The following CADPS2 variants were observed in gnomAD, a reference collection of about 807,000 sequenced individuals.
CADPS2 encodes calcium-dependent secretion activator 2.
A neutral mutation model predicts 172.5 loss-of-function variants in CADPS2; 93 were observed. That is an observed-to-expected ratio of 0.54 (90% CI 0.46 to 0.64). The LOEUF is 0.64. Among genes scored for constraint, CADPS2 ranks in the 30% least tolerant of loss-of-function variants. CADPS2 has a pLI of 0.00. For missense variants in CADPS2, 1,420 were observed against 1,565.9 expected, an observed-to-expected ratio of 0.91 and a Z score of 1.57; for synonymous variants, 546 against 555.2, an observed-to-expected ratio of 0.98 and a Z score of 0.23.
At chr7:122,600,194 C>G (rs1389406504) in intron 6 of CADPS2, among the ~76,000 whole-genome samples, 1 of 152,190 alleles carries the variant, frequency 6.6e-6, no homozygotes, top group East Asian at 1.9e-4. Context: ...ACAACACATG[C>G]AGTAGCTAAG....
At chr7:122,360,743 TA>T in intron 27 of CADPS2, 44 bp downstream of exon 27, 1 of 1,514,476 alleles carries the variant, frequency 6.6e-7, no homozygotes, top group African/African-American at 1.4e-5. Context: ...AATTTTTTTT[TA>T]AAGAATTCCA....
chr7:122,645,441 A>T (rs1213788026), intron 3 of CADPS2, among the ~76,000 whole-genome samples: 13 of 99,452 alleles, frequency 1.3e-4, no homozygotes, highest in South Asian at 2.7e-4. Context: ...ATATGTATAT[A>T]TACACACACA....
chr7:122,481,454 G>T (rs1232494436), intron 11 of CADPS2, among the ~76,000 whole-genome samples: 1 of 152,102 alleles, frequency 6.6e-6, no homozygotes, highest in Non-Finnish European at 1.5e-5. Context: ...AGAAACAGAT[G>T]ATAGGGCTGG....
intron 1 of CADPS2, among the ~76,000 whole-genome samples, chr7:122,865,206 T>C (rs1261334520): frequency 6.6e-6 from 1 of 152,186 alleles, no homozygotes; most frequent in Non-Finnish European, 1.5e-5. Flanking sequence ...CTAGCAACAC[T>C]TTGCCTTCCA....
At position 122,723,614 on chromosome 7, in the gene CADPS2, G is replaced by A. The variant is rs371869301; in HGVS notation, c.453+13341C>T. Among the ~76,000 whole-genome samples the A allele has an allele frequency of 5.3e-5, 8 of 152,332 alleles. No homozygotes were observed. In the East Asian group the frequency reaches 7.7e-4, roughly 15 times the overall value. On this transcript the variant is annotated intron_variant, in intron 2 of 29. Coordinates refer to ENST00000449022, the MANE Select transcript of CADPS2 (RefSeq NM_017954.11). ...ACTAGTTCAACCATTGTGGAAGACAGTGTGGCGATTCCTCAAGGATCTAGA... is the reference window on the plus strand; with the variant it reads ...ACTAGTTCAACCATTGTGGAAGACAATGTGGCGATTCCTCAAGGATCTAGA...
At chr7:122,735,652 T>G (rs2092099750) in intron 2 of CADPS2, among the ~76,000 whole-genome samples, 1 of 152,170 alleles carries the variant, frequency 6.6e-6, no homozygotes, top group Non-Finnish European at 1.5e-5. Flanking sequence ...CTCATCCCCC[T>G]GCTGATCCAA....
At chr7:122,844,649 T>C (rs1811474573) in intron 1 of CADPS2, among the ~76,000 whole-genome samples, 2 of 152,200 alleles carry the variant, frequency 1.3e-5, no homozygotes, top group Admixed American at 1.3e-4. Context: ...AATACATCTA[T>C]AGTAATGTAT....
At chr7:122,415,915 C>T in intron 18 of CADPS2, 146 bp downstream of exon 18, 2 of 471,158 alleles carry the variant, frequency 4.2e-6, no homozygotes, top group Middle Eastern at 3.2e-4. Flanking sequence ...TACAGTGATG[C>T]AGTGAAACAC....
rs73719707 is a variant in CADPS2, at chr7:122,586,204, T to G, written c.1224-4914A>C. 7.7e-3 allele frequency among the ~76,000 whole-genome samples: 1,171 copies of G among 152,010 alleles called. 16 individuals carry two copies. The highest frequency in any genetic ancestry group is 0.027 in the African/African-American group (1,132 of 41,516). ...ATTCATTTAAAAAAATGGAGTACCTTTTATGTGGAGATGACATTCTAGTGT... is the reference window on the plus strand; with the variant it reads ...ATTCATTTAAAAAAATGGAGTACCTGTTATGTGGAGATGACATTCTAGTGT... On this transcript the variant is annotated intron_variant, in intron 6 of 29. Transcript: ENST00000449022.
chr7:122,383,522 A>G (rs1381801920), intron 24 of CADPS2, among the ~76,000 whole-genome samples: 3 of 151,576 alleles, frequency 2.0e-5, no homozygotes, highest in African/African-American at 7.3e-5. Context: ...GCTTTGTTAG[A>G]TTTCAATTCA....
In CADPS2 at chr7:122,450,906, A is replaced by C. The variant is rs545769216; in HGVS notation, c.2288+468T>G. On this transcript the variant is annotated intron_variant, in intron 15 of 29. Transcript: ENST00000449022. ...GTGTTCTCAGAGAATGTAAGTAAAAAGATAACTAATGACTTTAAAGCCATG... is the reference window on the plus strand; with the variant it reads ...GTGTTCTCAGAGAATGTAAGTAAAACGATAACTAATGACTTTAAAGCCATG... Among the ~76,000 whole-genome samples, 4 of 152,260 alleles carry C rather than the reference A, an allele frequency of 2.6e-5. No homozygotes were observed. In the East Asian group the frequency reaches 7.7e-4, roughly 29 times the overall value.
At chr7:122,661,137 T>G (rs1487434663) in intron 3 of CADPS2, among the ~76,000 whole-genome samples, 1 of 152,150 alleles carries the variant, frequency 6.6e-6, no homozygotes, top group African/African-American at 2.4e-5. Context: ...AGGAGTCAAT[T>G]CTACAATAAA....
chr7:122,332,534 T>C (rs1389670986), intron 28 of CADPS2, among the ~76,000 whole-genome samples: 1 of 152,152 alleles, frequency 6.6e-6, no homozygotes, highest in African/African-American at 2.4e-5. Context: ...ATCATGTCTA[T>C]TAAGGAATGA....
intron 14 of CADPS2, among the ~76,000 whole-genome samples, chr7:122,458,121 G>T (rs2054010439): frequency 6.6e-6 from 1 of 152,164 alleles, no homozygotes; most frequent in African/African-American, 2.4e-5. Context: ...AGGAATGCAT[G>T]ACATCTTAGC....
chr7:122,511,713 C>A (rs1167030700), intron 9 of CADPS2, among the ~76,000 whole-genome samples: 1 of 152,058 alleles, frequency 6.6e-6, no homozygotes, highest in Non-Finnish European at 1.5e-5. Context: ...GAAAAAGAAG[C>A]TGCTGTTTCC....
intron 1 of CADPS2, among the ~76,000 whole-genome samples, chr7:122,802,664 C>T (rs1371581974): frequency 2.0e-5 from 3 of 152,226 alleles, no homozygotes; most frequent in Non-Finnish European, 4.4e-5. Flanking sequence ...TCTCTCTTGT[C>T]ATTTCCAGAT....
intron 3 of CADPS2, among the ~76,000 whole-genome samples, chr7:122,651,730 G>A (rs537264788): frequency 6.6e-6 from 1 of 152,264 alleles, no homozygotes; most frequent in African/African-American, 2.4e-5. Context: ...AATGGAATGA[G>A]ATTATAAAAG....
intron 16 of CADPS2, 48 bp downstream of exon 16, chr7:122,441,464 A>G: frequency 1.6e-6 from 2 of 1,266,766 alleles, no homozygotes; most frequent in Non-Finnish European, 2.2e-6. Context: ...TAAAATACAC[A>G]GCAACTGAGA....
At chr7:122,479,946 T>C (rs543978142) in intron 12 of CADPS2, among the ~76,000 whole-genome samples, 9 of 152,324 alleles carry the variant, frequency 5.9e-5, no homozygotes, top group Non-Finnish European at 1.3e-4. Flanking sequence ...AATGCTACTA[T>C]TCATATTGTA....
Sources: allele counts gnomAD v4.1 joint callset (sites outside exome capture counted in the v4.1 genomes callset), GRCh38; gene constraint gnomAD v4.1.1; transcripts MANE v1.5; gene names NCBI Gene and HGNC (gene_info 2026-07-23, HGNC 2026-07-21).